Variants in COL12A1 observed in about 807,000 individuals in gnomAD.
COL12A1 encodes collagen type XII alpha 1 chain.
Under a neutral mutation model 349.7 loss-of-function variants are expected in COL12A1, and 114 were observed. The ratio of observed to expected loss-of-function variants is 0.33; its 90% CI spans 0.28 to 0.38. COL12A1 has a LOEUF of 0.38. Among genes scored for constraint, COL12A1 ranks in the 10% least tolerant of loss-of-function variants. The probability of loss-of-function intolerance (pLI) is 1.00; values close to 1 mark genes in which losing one functional copy is unlikely to be tolerated. For synonymous variants in COL12A1, 1,369 were observed against 1,329.0 expected, an observed-to-expected ratio of 1.03 and a Z score of -0.66; for missense variants, 3,284 against 3,756.9, an observed-to-expected ratio of 0.87 and a Z score of 3.29.
Position 75,139,361 on chromosome 6 carries a change from A to T in COL12A1, c.4958-400T>A, listed in dbSNP as rs111439407. ...GACACACATAGACTCTGGGTTAAGAAGTCCTTATTAACCGAGAATGTCATA... is the reference window on the plus strand; with the variant it reads ...GACACACATAGACTCTGGGTTAAGATGTCCTTATTAACCGAGAATGTCATA... On this transcript the variant is annotated intron_variant, in intron 27 of 65. Coordinates refer to ENST00000322507, the MANE Select transcript of COL12A1 (RefSeq NM_004370.6). 3.4e-3 allele frequency among the ~76,000 whole-genome samples: 522 copies of T among 152,348 alleles called. 3 individuals are homozygous for T. Among genetic ancestry groups the T allele is most frequent in the Non-Finnish European group, 5.4e-3 (365 of 68,032 alleles).
intron 16 of COL12A1, 99 bp downstream of exon 16, chr6:75,155,563 A>T: frequency 1.7e-6 from 2 of 1,178,108 alleles, no homozygotes; most frequent in Non-Finnish European, 2.4e-6. Flanking sequence ...AAACAGACAT[A>T]TAAGTGATAT....
At chr6:75,147,621 A>G (rs541644343) in intron 23 of COL12A1, 54 bp downstream of exon 23, 1 of 1,506,046 alleles carries the variant, frequency 6.6e-7, no homozygotes, top group African/African-American at 1.4e-5. Context: ...ATGGGCCATC[A>G]TGCTTTATCT....
intron 12 of COL12A1, 152 bp downstream of exon 12, chr6:75,177,511 A>T (rs528186457): frequency 3.8e-5 from 31 of 806,264 alleles, no homozygotes; most frequent in East Asian, 1.4e-4. Context: ...TAAAAAAAAA[A>T]TTTTAACTTA....
At chr6:75,135,312 A>G (rs551642204) in intron 31 of COL12A1, among the ~76,000 whole-genome samples, 1 of 152,350 alleles carries the variant, frequency 6.6e-6, no homozygotes, top group South Asian at 2.1e-4. Context: ...ATGATTCAGC[A>G]TACAGTATAA....
At chr6:75,133,518 G>C (rs1582104199) in intron 33 of COL12A1, 96 bp from the exon 34 acceptor site, 1 of 1,242,644 alleles carries the variant, frequency 8.0e-7, no homozygotes, top group East Asian at 2.5e-5. Flanking sequence ...ACCAAGTCAA[G>C]AAGTAGGTTC....
chr6:75,170,592 T>C (rs1004331066), intron 13 of COL12A1, among the ~76,000 whole-genome samples: 1 of 152,236 alleles, frequency 6.6e-6, no homozygotes, highest in Non-Finnish European at 1.5e-5. Flanking sequence ...CTTCCGTAAT[T>C]ATCACCTCTC....
chr6:75,095,292 C>A, intron 59 of COL12A1, 113 bp from the exon 60 acceptor site: 2 of 783,420 alleles, frequency 2.6e-6, no homozygotes, highest in Non-Finnish European at 4.1e-6. Flanking sequence ...CATAATTACA[C>A]ATTCAGGAAA....
chr6:75,133,491 C>G, intron 33 of COL12A1, 69 bp from the exon 34 acceptor site: 1 of 1,472,390 alleles, frequency 6.8e-7, no homozygotes, highest in African/African-American at 1.4e-5. Flanking sequence ...ATTCAAATAA[C>G]ACAATACCAA....
chr6:75,096,913 A>T (rs912646162), intron 59 of COL12A1, among the ~76,000 whole-genome samples: 11 of 151,852 alleles, frequency 7.2e-5, no homozygotes. Context: ...AAAAAAAAAA[A>T]AAAAAAATTC....
intron 47 of COL12A1, 71 bp from the exon 48 acceptor site, chr6:75,116,128 G>C: frequency 7.2e-7 from 1 of 1,391,712 alleles, no homozygotes; most frequent in South Asian, 1.2e-5. Flanking sequence ...ACAGAAAGTA[G>C]CAATGAACGT....
intron 1 of COL12A1, among the ~76,000 whole-genome samples, chr6:75,203,444 G>A (rs1167681668): frequency 1.3e-5 from 2 of 152,128 alleles, no homozygotes; most frequent in East Asian, 3.9e-4. Context: ...CTGAGATGAG[G>A]GAAAAACAAC....
chr6:75,190,766 A>C (rs984058937), intron 5 of COL12A1, among the ~76,000 whole-genome samples: 4 of 151,964 alleles, frequency 2.6e-5, no homozygotes, highest in Non-Finnish European at 5.9e-5. Context: ...AAAATTTTGC[A>C]AGCCAAATAA....
At chr6:75,155,429 T>C (rs1006913970) in intron 16 of COL12A1, among the ~76,000 whole-genome samples, 1 of 152,110 alleles carries the variant, frequency 6.6e-6, no homozygotes, top group African/African-American at 2.4e-5. Context: ...CAAAAATTAT[T>C]AAACATTACA....
intron 58 of COL12A1, 66 bp downstream of exon 58, chr6:75,101,534 C>G: frequency 2.0e-6 from 3 of 1,511,610 alleles, no homozygotes; most frequent in Non-Finnish European, 2.7e-6. Context: ...TTGAAGGGTT[C>G]TTAATTAATA....
In COL12A1 at chr6:75,113,243, T is replaced by G; in HGVS notation, c.7911A>C (p.Thr2637=). The G allele has an allele frequency of 6.4e-7, 1 of 1,566,072 alleles. No individual in the cohort carries two copies. Among genetic ancestry groups the G allele is most frequent in the Non-Finnish European group, 8.6e-7 (1 of 1,158,486 alleles). ...RGEVQTVTFD[T]EEVKTLFYGS... is the part of the protein sequence containing the mutation. ...CATAAAATAATGTCTTTACTTCTTCTGTGTCAAATGTAACAGTTTGCACCT... is the reference window on the plus strand; with the variant it reads ...CATAAAATAATGTCTTTACTTCTTCGGTGTCAAATGTAACAGTTTGCACCT... The change falls in exon 51 of 66, where the codon ACA becomes ACC. Residue 2637 remains threonine (T), a synonymous_variant. Transcript: ENST00000322507.
chr6:75,193,797 A>G (rs1453278363), intron 3 of COL12A1, among the ~76,000 whole-genome samples: 2 of 150,858 alleles, frequency 1.3e-5, no homozygotes, highest in African/African-American at 2.4e-5. Flanking sequence ...TCATTGTTCA[A>G]TTCCCACCTA....
chr6:75,101,734 T>A, intron 57 of COL12A1, 81 bp from the exon 58 acceptor site: 1 of 1,508,034 alleles, frequency 6.6e-7, no homozygotes, highest in Non-Finnish European at 9.0e-7. Flanking sequence ...TTCCAAATTT[T>A]TTTTTTAATT....
intron 51 of COL12A1, among the ~76,000 whole-genome samples, chr6:75,112,552 G>GA (rs201634403): frequency 0.01 from 1,570 of 151,602 alleles, 31 homozygotes; most frequent in African/African-American, 0.035. Context: ...TTGACATACA[G>GA]AAAATTGATT....
In COL12A1 at chr6:75,115,928, C is replaced by T. The variant is rs780041789; in HGVS notation, c.7559-6G>A. 11 of 1,612,220 alleles carry T rather than the reference C, an allele frequency of 6.8e-6. No individual in the cohort carries two copies. Among genetic ancestry groups the T allele is most frequent in the Middle Eastern group, 1.7e-4 (1 of 6,048 alleles). Reference sequence around the variant, plus strand: ...TGCTTCAAGCATTTTAAAACCTTTACATCAGAAAAGAAAATATTAAACGGA... The same window carrying T: ...TGCTTCAAGCATTTTAAAACCTTTATATCAGAAAAGAAAATATTAAACGGA... On this transcript the variant is annotated splice_region_variant and splice_polypyrimidine_tract_variant and intron_variant, in intron 48 of 65. Coordinates refer to ENST00000322507, the MANE Select transcript of COL12A1 (RefSeq NM_004370.6).
Sources: gnomAD v4.1 joint callset for allele counts (sites outside exome capture counted in the v4.1 genomes callset) on GRCh38, gnomAD v4.1.1 for gene constraint, MANE v1.5 for transcripts, NCBI Gene and HGNC (gene_info 2026-07-23, HGNC 2026-07-21) for gene names.